Variants in EPHB3 observed in about 807,000 individuals in gnomAD.
EPHB3 encodes EPH receptor B3.
Under a neutral mutation model 100.2 loss-of-function variants are expected in EPHB3, and 33 were observed. The observed-to-expected ratio is 0.33, with a 90% CI of 0.25 to 0.44. EPHB3 has a LOEUF of 0.44. Among genes scored for constraint, EPHB3 ranks in the 20% least tolerant of loss-of-function variants. The pLI, the probability that EPHB3 is intolerant of heterozygous loss-of-function variation, is 1.00. For synonymous variants in EPHB3, 526 were observed against 554.7 expected, an observed-to-expected ratio of 0.95 and a Z score of 0.73; for missense variants, 1,045 against 1,378.3, an observed-to-expected ratio of 0.76 and a Z score of 3.83.
chr3:184,578,279 GACC>G lies in EPHB3; in HGVS notation c.1749-130_1749-128del. 1 of 1,315,164 alleles carries G rather than the reference GACC, an allele frequency of 7.6e-7. No individual in the cohort carries two copies. Among genetic ancestry groups the G allele is most frequent in the African/African-American group, 1.4e-5 (1 of 69,154 alleles). The allele number at this position is 1,315,164 out of a possible 1,614,324, so 81.5% of individuals were successfully genotyped here. A position where few individuals can be genotyped will look rare whatever the true frequency, so the allele number is the denominator to read the frequency against. On this transcript the variant is annotated intron_variant, in intron 8 of 15. Transcript: ENST00000330394. This position sits in a 1 kb window ranked among gnomAD's most constrained non-coding sequence, Gnocchi z 4.7. ...TGCTCAGACACCCAGAGACTGCTGT[GACC>G]ACCAATTGTGGGACTAGGCCCCAGG... is the stretch of plus-strand genomic sequence containing the variant.
In EPHB3 at chr3:184,580,607, C is replaced by T. The variant is rs1714794671; in HGVS notation, c.2378C>T (p.Thr793Ile). ...GATGACCCCTCCGATCCTACCTACA[C>T]CAGTTCCCTGGTACAGGAAGCCGCT... ...LEDDPSDPTY[T>I]SSLGGKIPIR... Residue 793 changes from threonine (T) to isoleucine (I), a missense_variant, in exon 12 of 16, where the codon ACC becomes ATC. By Grantham distance (89) the Thr-to-Ile change is moderately conservative. This residue lies in a region of EPHB3 where 985 missense variants were observed against 1,331.1 expected (regional missense o/e 0.74). Transcript: ENST00000330394. 1.9e-6 allele frequency: 3 copies of T among 1,613,652 alleles called. No homozygotes were observed. The highest frequency in any genetic ancestry group is 2.5e-6 in the Non-Finnish European group (3 of 1,179,586).
chr3:184,577,008 T>G lies in EPHB3; in HGVS notation c.1179T>G (p.Asp393Glu). 1 of 1,614,012 alleles carries G rather than the reference T, an allele frequency of 6.2e-7. No individual in the cohort carries two copies. Among genetic ancestry groups the G allele is most frequent in the South Asian group, 1.1e-5 (1 of 91,070 alleles). The part of the protein sequence containing the change: ...AGGASACSRC[D>E]DNVEFVPRQL... ...GGGCCTCAGCCTGCTCACGCTGTGA[T>G]GACAACGTGGAGTTTGTGCCTCGGC... The change falls in exon 5 of 16, where the codon GAT becomes GAG. Residue 393 changes from aspartate (D) to glutamate (E), a missense_variant. Coordinates refer to ENST00000330394, the MANE Select transcript of EPHB3 (RefSeq NM_004443.4). The surrounding 1 kb of genome is among the most constrained non-coding windows in gnomAD (Gnocchi z 4.9).
Position 184,565,406 on chromosome 3 carries a change from G to C in EPHB3, c.118+3053G>C. 6.6e-6 allele frequency among the ~76,000 whole-genome samples: 1 copy of C among 152,224 alleles called. No individual in the cohort carries two copies. Among genetic ancestry groups the C allele is most frequent in the East Asian group, 1.9e-4 (1 of 5,190 alleles). ...GGAATGGGGCCTGAGATGAGGAATG[G>C]TGTCTGAACCCCAGCACCCCTATAC... On this transcript the variant is annotated intron_variant, in intron 1 of 15. Coordinates refer to ENST00000330394, the MANE Select transcript of EPHB3 (RefSeq NM_004443.4). This position sits in a 1 kb window ranked among gnomAD's most constrained non-coding sequence, Gnocchi z 4.8.
At position 184,569,419 on chromosome 3, in the gene EPHB3, C is replaced by T. The variant is rs1380649223; in HGVS notation, c.119-1899C>T. On this transcript the variant is annotated intron_variant, in intron 1 of 15. Transcript: ENST00000330394. This position sits in a 1 kb window ranked among gnomAD's most constrained non-coding sequence, Gnocchi z 5.4. The stretch of plus-strand genomic sequence containing the variant: ...CCGCCAGCCGGCTCCGCACATCCCT[C>T]CGGCTCCGTGCCGCCCACCGCCCGC... 6.6e-6 allele frequency among the ~76,000 whole-genome samples: 1 copy of T among 151,962 alleles called. No individual in the cohort carries two copies. Among genetic ancestry groups the T allele is most frequent in the Non-Finnish European group, 1.5e-5 (1 of 67,946 alleles).
At position 184,562,676 on chromosome 3, in the gene EPHB3, C is replaced by T. The variant is rs1714288058; in HGVS notation, c.118+323C>T. Among the ~76,000 whole-genome samples the T allele has an allele frequency of 6.6e-6, 1 of 151,874 alleles. No homozygotes were observed. Among genetic ancestry groups the T allele is most frequent in the Non-Finnish European group, 1.5e-5 (1 of 67,958 alleles). On this transcript the variant is annotated intron_variant, in intron 1 of 15. Transcript: ENST00000330394. This position sits in a 1 kb window ranked among gnomAD's most constrained non-coding sequence, Gnocchi z 4.8. ...CGGCAGAGAAGTGGGGCTCCCGGCA[C>T]CCCCCGAAGTCGAGGACGTGTGGGC...
In EPHB3 at chr3:184,576,726, C is replaced by T. The variant is rs1043684395; in HGVS notation, c.1013-116C>T. 27 of 1,027,932 alleles carry T rather than the reference C, an allele frequency of 2.6e-5. No individual in the cohort carries two copies. The Middle Eastern group carries it at 8.7e-4, about 33-fold the overall frequency. The allele number at this position is 1,027,932 out of a possible 1,614,324, so 63.7% of individuals were successfully genotyped here. A position where few individuals can be genotyped will look rare whatever the true frequency, so the allele number is the denominator to read the frequency against. ...AATGTAGGAACGTTATTCTGCTTAT[C>T]AAAGCAGAGGCAAGGCAAGGAGGTA... is the stretch of plus-strand genomic sequence containing the variant. On this transcript the variant is annotated intron_variant, in intron 4 of 15. Transcript: ENST00000330394.
At chr3:184,566,743 GC>G (rs1211252917) in intron 1 of EPHB3, among the ~76,000 whole-genome samples, 8 of 152,240 alleles carry the variant, frequency 5.3e-5, no homozygotes, top group Admixed American at 2.0e-4. Context: ...CACTCTGCGG[GC>G]CCAGCCCTGG....
At position 184,573,979 on chromosome 3, in the gene EPHB3, C is replaced by T. The variant is rs892422450; in HGVS notation, c.856+803C>T. ...ATCCACCCGCCTCGGCCTCCCAAAG[C>T]GTTGGGATTACAGGTGTAAGCCACC... On this transcript the variant is annotated intron_variant, in intron 3 of 15. Coordinates refer to ENST00000330394, the MANE Select transcript of EPHB3 (RefSeq NM_004443.4). This position sits in a 1 kb window ranked among gnomAD's most constrained non-coding sequence, Gnocchi z 4.5. Among the ~76,000 whole-genome samples, 9 of 152,044 alleles carry T rather than the reference C, an allele frequency of 5.9e-5. No individual in the cohort carries two copies. The highest frequency in any genetic ancestry group is 1.9e-4 in the African/African-American group (8 of 41,382).
Position 184,578,056 on chromosome 3 carries a change from A to G in EPHB3, c.1748+50A>G. 6.3e-7 allele frequency: 1 copy of G among 1,583,022 alleles called. No individual in the cohort carries two copies. Among genetic ancestry groups the G allele is most frequent in the Non-Finnish European group, 8.6e-7 (1 of 1,157,470 alleles). ...CATGGGCCGCCTCGAACTGCCCTTTAGCATCCTAGAGCCCTCATGCCACAG... is the reference window on the plus strand; with the variant it reads ...CATGGGCCGCCTCGAACTGCCCTTTGGCATCCTAGAGCCCTCATGCCACAG... On this transcript the variant is annotated intron_variant, in intron 8 of 15. Transcript: ENST00000330394. The surrounding 1 kb of genome is among the most constrained non-coding windows in gnomAD (Gnocchi z 4.7).
At position 184,577,498 on chromosome 3, in the gene EPHB3, T is replaced by C. The variant is rs767344157; in HGVS notation, c.1479+31T>C. On this transcript the variant is annotated intron_variant, in intron 6 of 15. Coordinates refer to ENST00000330394, the MANE Select transcript of EPHB3 (RefSeq NM_004443.4). This position sits in a 1 kb window ranked among gnomAD's most constrained non-coding sequence, Gnocchi z 4.9. ...AACCTCAAGGGGCAGGAGGAGGCCT[T>C]GGGCTGAGCTGGGCTGAGAAAATTA... 6.2e-7 allele frequency: 1 copy of C among 1,610,604 alleles called. No homozygotes were observed. Among genetic ancestry groups the C allele is most frequent in the Non-Finnish European group, 8.5e-7 (1 of 1,178,288 alleles).
rs188187609 is a variant in EPHB3, at chr3:184,571,431, C to T, written c.183+49C>T. 628 of 1,603,388 alleles carry T rather than the reference C, an allele frequency of 3.9e-4. 3 individuals carry two copies. The East Asian group carries it at 0.011, about 27-fold the overall frequency. Reference sequence around the variant, plus strand: ...TGAGTGTTGTTTGCCATTAGGCCTCCCCCCACTTCCAGCCTCCGTGCCCCC... The same window carrying T: ...TGAGTGTTGTTTGCCATTAGGCCTCTCCCCACTTCCAGCCTCCGTGCCCCC... On this transcript the variant is annotated intron_variant, in intron 2 of 15. Transcript: ENST00000330394. This position sits in a 1 kb window ranked among gnomAD's most constrained non-coding sequence, Gnocchi z 5.0.
Position 184,579,607 on chromosome 3 carries a change from T to C in EPHB3, c.1924+8T>C, listed in dbSNP as rs779438103. ...AGGAGGTGATCGGAGCTGGTGAGTC[T>C]CCCGGGGCACAGTAGAGATGAGAAG... is the stretch of plus-strand genomic sequence containing the variant. On this transcript the variant is annotated splice_region_variant and intron_variant, in intron 10 of 15. Transcript: ENST00000330394. The surrounding 1 kb of genome is among the most constrained non-coding windows in gnomAD (Gnocchi z 5.2). 11 of 1,613,672 alleles carry C rather than the reference T, an allele frequency of 6.8e-6. 1 individual carries two copies. The East Asian group carries it at 1.8e-4, about 26-fold the overall frequency.
Position 184,565,632 on chromosome 3 carries a change from C to T in EPHB3, c.118+3279C>T, listed in dbSNP as rs1260385080. On this transcript the variant is annotated intron_variant, in intron 1 of 15. Transcript: ENST00000330394. This position sits in a 1 kb window ranked among gnomAD's most constrained non-coding sequence, Gnocchi z 4.8. ...CCTTCACAGGGGCAGCAGGAGTGAC[C>T]CCTGAGAACACGGGAACTGAGAGGG... Among the ~76,000 whole-genome samples, 1 of 152,132 alleles carries T rather than the reference C, an allele frequency of 6.6e-6. No individual in the cohort carries two copies. The highest frequency in any genetic ancestry group is 1.5e-5 in the Non-Finnish European group (1 of 68,012).
chr3:184,577,054 C>A lies in EPHB3; in HGVS notation c.1225C>A (p.Arg409=), dbSNP rs773741899. ...VPRQLGLTER[R]VHISHLLAHT... ...TCGGCAGCTGGGCCTGACGGAGCGC[C>A]GGGTCCACATCAGCCATCTGCTGGC... Residue 409 remains arginine (R), a synonymous_variant, in exon 5 of 16, where the codon CGG becomes AGG. Transcript: ENST00000330394. The surrounding 1 kb of genome is among the most constrained non-coding windows in gnomAD (Gnocchi z 4.9). 2.5e-6 allele frequency: 4 copies of A among 1,613,762 alleles called. No individual in the cohort carries two copies. Among genetic ancestry groups the A allele is most frequent in the Non-Finnish European group, 3.4e-6 (4 of 1,179,968 alleles).
rs1332039709 is a variant in EPHB3, at chr3:184,571,284, T to C, written c.119-34T>C. On this transcript the variant is annotated intron_variant, in intron 1 of 15. Coordinates refer to ENST00000330394, the MANE Select transcript of EPHB3 (RefSeq NM_004443.4). This position sits in a 1 kb window ranked among gnomAD's most constrained non-coding sequence, Gnocchi z 5.0. ...CTCTTCTGTCTCCTCAACCTGAGAT[T>C]AGTCCCTGACCTTTTTCTCCGTTGT... 1 of 1,611,794 alleles carries C rather than the reference T, an allele frequency of 6.2e-7. No individual in the cohort carries two copies. The highest frequency in any genetic ancestry group is 1.3e-5 in the African/African-American group (1 of 74,884).
In EPHB3 at chr3:184,565,054, C is replaced by G. The variant is rs571991269; in HGVS notation, c.118+2701C>G. 6.6e-6 allele frequency among the ~76,000 whole-genome samples: 1 copy of G among 152,098 alleles called. No individual in the cohort carries two copies. Among genetic ancestry groups the G allele is most frequent in the Non-Finnish European group, 1.5e-5 (1 of 68,022 alleles). On this transcript the variant is annotated intron_variant, in intron 1 of 15. Transcript: ENST00000330394. The surrounding 1 kb of genome is among the most constrained non-coding windows in gnomAD (Gnocchi z 4.8). The stretch of plus-strand genomic sequence containing the variant: ...CATGTACCCCCTAGTTAGATGCTGT[C>G]TAGCACCTGGTTCCTCTTCCCTTCC...
chr3:184,565,871 C>T lies in EPHB3; in HGVS notation c.118+3518C>T, dbSNP rs372035235. Among the ~76,000 whole-genome samples, 103 of 152,246 alleles carry T rather than the reference C, an allele frequency of 6.8e-4. No individual in the cohort carries two copies. In the South Asian group the frequency reaches 0.02, roughly 29 times the overall value. On this transcript the variant is annotated intron_variant, in intron 1 of 15. Transcript: ENST00000330394. This position sits in a 1 kb window ranked among gnomAD's most constrained non-coding sequence, Gnocchi z 4.8. ...TTCAGCGGCTGCTGCGAGCTGAAGC[C>T]GAAGCTGCCGAAGCTGCCGTGGGCA...
At position 184,577,280 on chromosome 3, in the gene EPHB3, G is replaced by T; in HGVS notation, c.1355-63G>T. ...GGGACCACTGGGGGTCCCATGGGAA[G>T]TGGGTCTTTGGGAAGGATGCCAGGG... On this transcript the variant is annotated intron_variant, in intron 5 of 15. Transcript: ENST00000330394. The surrounding 1 kb of genome is among the most constrained non-coding windows in gnomAD (Gnocchi z 4.9). 6.3e-7 allele frequency: 1 copy of T among 1,593,904 alleles called. No individual in the cohort carries two copies. Among genetic ancestry groups the T allele is most frequent in the Non-Finnish European group, 8.6e-7 (1 of 1,169,078 alleles).
chr3:184,562,395 G>A lies in EPHB3; in HGVS notation c.118+42G>A. On this transcript the variant is annotated intron_variant, in intron 1 of 15. Transcript: ENST00000330394. The surrounding 1 kb of genome is among the most constrained non-coding windows in gnomAD (Gnocchi z 4.8). ...GGCGCGCCCGGGAACAAGGTGCCTGGGGTCGCGGGGCTGCGGGCTAGCAGC... is the reference window on the plus strand; with the variant it reads ...GGCGCGCCCGGGAACAAGGTGCCTGAGGTCGCGGGGCTGCGGGCTAGCAGC... The A allele has an allele frequency of 8.4e-7, 1 of 1,196,524 alleles. No individual in the cohort carries two copies. Among genetic ancestry groups the A allele is most frequent in the Non-Finnish European group, 1.0e-6 (1 of 965,380 alleles). 74.1% of individuals were successfully genotyped at this position (1,196,524 alleles called of 1,614,324 possible).
Sources: allele counts gnomAD v4.1 joint callset (sites outside exome capture counted in the v4.1 genomes callset), GRCh38; gene constraint gnomAD v4.1.1; regional missense constraint gnomAD v4.1.1; non-coding constraint Gnocchi (gnomAD v3.1); transcripts MANE v1.5; gene names NCBI Gene and HGNC (gene_info 2026-07-23, HGNC 2026-07-21).